TTC3: variants seen among roughly 807,000 people sequenced by gnomAD.
TTC3 encodes E3 ubiquitin-protein ligase TTC3.
In TTC3, 180 loss-of-function variants were observed where a neutral mutation model predicts 249.6. The observed-to-expected ratio is 0.72, with a 90% confidence interval of 0.64 to 0.82. The LOEUF (loss-of-function observed/expected upper bound fraction) is 0.82. Among genes scored for constraint, TTC3 ranks in the 40% least tolerant of loss-of-function variants. The pLI is 0.00. For synonymous variants in TTC3, 717 were observed against 805.0 expected (o/e 0.89, Z 1.85); for missense variants, 2,061 against 2,398.4 (o/e 0.86, Z 2.94).
At chr21:37,195,683 C>G in exon 42 of TTC3, 2 of 1,606,000 alleles carry the variant, frequency 1.2e-6, no homozygotes, top group Non-Finnish European at 1.7e-6. Context: ...AGGTTCATCC[C>G]GAGTTACTCC....
intron 1 of TTC3, among the ~76,000 whole-genome samples, chr21:37,077,314 G>A (rs1378695766): frequency 6.6e-6 from 1 of 151,480 alleles, no homozygotes; most frequent in Admixed American, 6.6e-5. Context: ...ACTTTTGGTG[G>A]TTTGCGAGCA....
At chr21:37,183,661 T>TG (rs1315052177) in intron 36 of TTC3, among the ~76,000 whole-genome samples, 1 of 152,110 alleles carries the variant, frequency 6.6e-6, no homozygotes, top group African/African-American at 2.4e-5. Flanking sequence ...GCTGGGATGC[T>TG]GGGGTGGCTT....
At chr21:37,114,356 C>T (rs2075942352) in intron 11 of TTC3, among the ~76,000 whole-genome samples, 1 of 151,958 alleles carries the variant, frequency 6.6e-6, no homozygotes, top group South Asian at 2.1e-4. Flanking sequence ...AAAACAACCC[C>T]ATCAAAAAGT....
chr21:37,082,771 G>C, intron 1 of TTC3: 1 of 984,626 alleles, frequency 1.0e-6, no homozygotes, highest in Non-Finnish European at 1.2e-6. Context: ...TTCCCCCAGA[G>C]TGTATAGTTG....
At chr21:37,106,825 A>G (rs1229881574) in intron 10 of TTC3, among the ~76,000 whole-genome samples, 1 of 152,168 alleles carries the variant, frequency 6.6e-6, no homozygotes, top group Non-Finnish European at 1.5e-5. Context: ...TGAGCCTGTG[A>G]TGTCAAGGCT....
chr21:37,169,482 T>G (rs2081538044), intron 34 of TTC3, among the ~76,000 whole-genome samples: 1 of 151,572 alleles, frequency 6.6e-6, no homozygotes, highest in Admixed American at 6.6e-5. Flanking sequence ...AGGCGGAGGT[T>G]GCAGTGAGCC....
intron 11 of TTC3, 132 bp downstream of exon 11, chr21:37,108,578 T>TC (rs1196260759): frequency 2.4e-6 from 2 of 842,550 alleles, no homozygotes; most frequent in African/African-American, 3.5e-5. Flanking sequence ...GAAAGGGGAG[T>TC]CATCAGATCC....
At chr21:37,126,950 G>A (rs2077085247) in intron 15 of TTC3, among the ~76,000 whole-genome samples, 2 of 151,964 alleles carry the variant, frequency 1.3e-5, no homozygotes, top group African/African-American at 2.4e-5. Flanking sequence ...TGCCTCCTGG[G>A]TTCAAGCAAT....
intron 42 of TTC3, among the ~76,000 whole-genome samples, chr21:37,196,306 G>A (rs896003645): frequency 2.7e-5 from 4 of 148,252 alleles, no homozygotes; most frequent in Admixed American, 6.8e-5. Flanking sequence ...GCACAGTCTC[G>A]GCTCCCTGCA....
chr21:37,132,824 A>G, intron 17 of TTC3, 58 bp downstream of exon 17: 2 of 1,358,528 alleles, frequency 1.5e-6, no homozygotes, highest in Non-Finnish European at 1.0e-6. Context: ...AACATTGTTC[A>G]CATGAATAAG....
At chr21:37,096,614 T>A (rs1293521849) in exon 10 of TTC3, 1 of 1,612,650 alleles carries the variant, frequency 6.2e-7, no homozygotes, top group East Asian at 2.2e-5. Flanking sequence ...GTAACCGAGC[T>A]CTTTGTTTTC....
At chr21:37,184,754 C>T (rs1269184720) in intron 36 of TTC3, among the ~76,000 whole-genome samples, 1 of 151,576 alleles carries the variant, frequency 6.6e-6, no homozygotes, top group African/African-American at 2.4e-5. Flanking sequence ...CAGGCATGAG[C>T]CATTGCACCT....
At chr21:37,112,721 T>A (rs2075782131) in intron 11 of TTC3, among the ~76,000 whole-genome samples, 1 of 152,118 alleles carries the variant, frequency 6.6e-6, no homozygotes, top group Non-Finnish European at 1.5e-5. Context: ...TACCAAAGCC[T>A]GGCAGAGACA....
chr21:37,191,213 G>T (rs1411362257), intron 39 of TTC3, 121 bp from the exon 40 acceptor site: 1 of 616,506 alleles, frequency 1.6e-6, no homozygotes, highest in African/African-American at 2.0e-5. Context: ...AAAATAGTTG[G>T]ATTTTTGTGT....
At chr21:37,171,099 G>A (rs1446761334) in intron 34 of TTC3, among the ~76,000 whole-genome samples, 3 of 152,100 alleles carry the variant, frequency 2.0e-5, no homozygotes, top group Non-Finnish European at 4.4e-5. Flanking sequence ...TGAACATTTA[G>A]ATTGTATCAG....
chr21:37,090,309 G>A, intron 6 of TTC3, 23 bp downstream of exon 6: 1 of 1,598,022 alleles, frequency 6.3e-7, no homozygotes, highest in Non-Finnish European at 8.6e-7. Flanking sequence ...CACTGAAACT[G>A]GCACAGCCAC....
At chr21:37,159,056 G>A (rs2080415359) in intron 28 of TTC3, among the ~76,000 whole-genome samples, 1 of 152,062 alleles carries the variant, frequency 6.6e-6, no homozygotes, top group Non-Finnish European at 1.5e-5. Flanking sequence ...AGTTTTAATT[G>A]CAGATTAAGT....
intron 23 of TTC3, among the ~76,000 whole-genome samples, chr21:37,148,851 G>T (rs946417077): frequency 1.3e-5 from 2 of 151,992 alleles, no homozygotes; most frequent in Non-Finnish European, 2.9e-5. Context: ...TTAAAGAGAC[G>T]GATCTCACTG....
intron 34 of TTC3, among the ~76,000 whole-genome samples, chr21:37,167,965 C>G (rs1424090246): frequency 1.3e-5 from 2 of 151,688 alleles, no homozygotes; most frequent in African/African-American, 4.8e-5. Flanking sequence ...GTATAATGAG[C>G]ATATAATAAT....
Sources: gnomAD v4.1 joint callset for allele counts (sites outside exome capture counted in the v4.1 genomes callset) on GRCh38, gnomAD v4.1.1 for gene constraint, MANE v1.5 for transcripts, NCBI Gene and HGNC (gene_info 2026-07-23, HGNC 2026-07-21) for gene names.